ABCC4: variants seen among roughly 807,000 people sequenced by gnomAD.
ABCC4 encodes the protein ATP-binding cassette sub-family C member 4.
A neutral mutation model predicts 168.5 loss-of-function variants in ABCC4; 102 were observed. That is an observed-to-expected ratio of 0.61 (90% CI 0.52 to 0.71). The LOEUF (loss-of-function observed/expected upper bound fraction) is 0.71. ABCC4 is among the 30% of genes least tolerant of loss of function. The pLI, the probability that ABCC4 is intolerant of heterozygous loss-of-function variation, is 0.00. For missense variants in ABCC4, 1,402 were observed against 1,605.8 expected (o/e 0.87, Z 2.17); for synonymous variants, 617 against 590.7 (o/e 1.04, Z -0.65).
chr13:95,215,277 T>C (rs2039078610), intron 4 of ABCC4, among the ~76,000 whole-genome samples: 1 of 152,002 alleles, frequency 6.6e-6, no homozygotes, highest in South Asian at 2.1e-4. Context: ...TGCCACACAC[T>C]TGTAGACCCA....
At chr13:95,043,387 A>T (rs1019189414) in intron 29 of ABCC4, 1 of 304,438 alleles carries the variant, frequency 3.3e-6, no homozygotes, top group Non-Finnish European at 6.1e-6. Context: ...TCTATTGGAT[A>T]CTACTCCGTA....
intron 8 of ABCC4, among the ~76,000 whole-genome samples, chr13:95,205,459 A>T (rs1010090859): frequency 1.3e-5 from 2 of 152,236 alleles, no homozygotes; most frequent in Admixed American, 1.3e-4. Flanking sequence ...CAGATTTTTG[A>T]AAAGCTTAGA....
intron 19 of ABCC4, among the ~76,000 whole-genome samples, chr13:95,134,851 CA>C (rs2036091321): frequency 6.6e-6 from 1 of 152,024 alleles, no homozygotes; most frequent in East Asian, 1.9e-4. Flanking sequence ...AGAGGATCAC[CA>C]AGCAGCGATG....
At position 95,050,969 on chromosome 13, in the gene ABCC4, G is replaced by A. The variant is rs2032805752; in HGVS notation, c.3456+2126C>T. Among the ~76,000 whole-genome samples the A allele has an allele frequency of 2.0e-5, 3 of 152,120 alleles. No individual in the cohort carries two copies. In the South Asian group the frequency reaches 6.2e-4, roughly 32 times the overall value. On this transcript the variant is annotated intron_variant, in intron 27 of 30. Coordinates refer to ENST00000645237, the MANE Select transcript of ABCC4 (RefSeq NM_005845.5). ...TTATGAGTAATTCTTGTTCTTTTAG[G>A]GTGTGTCACAATTTCACTATTAAAC...
intron 8 of ABCC4, among the ~76,000 whole-genome samples, chr13:95,199,349 C>T (rs1393919447): frequency 1.3e-5 from 2 of 152,042 alleles, no homozygotes; most frequent in African/African-American, 2.4e-5. Flanking sequence ...AACATTGGAT[C>T]AATTCATTAC....
intron 25 of ABCC4, among the ~76,000 whole-genome samples, chr13:95,070,794 C>G (rs2033697816): frequency 2.0e-5 from 3 of 152,140 alleles, no homozygotes; most frequent in African/African-American, 7.2e-5. Flanking sequence ...ACGTAAGGAT[C>G]AGATCTGTGA....
intron 26 of ABCC4, among the ~76,000 whole-genome samples, chr13:95,061,895 T>G (rs1274288030): frequency 6.6e-6 from 1 of 152,122 alleles, no homozygotes; most frequent in Admixed American, 6.5e-5. Flanking sequence ...CTTTCTGAAT[T>G]TATGTTAAAT....
chr13:95,167,577 T>G (rs893230306), intron 14 of ABCC4, among the ~76,000 whole-genome samples: 2 of 152,180 alleles, frequency 1.3e-5, no homozygotes, highest in Admixed American at 6.5e-5. Context: ...GTTTGATAAC[T>G]GGAGAATTCA....
At chr13:95,283,983 T>C (rs73548889) in intron 1 of ABCC4, among the ~76,000 whole-genome samples, 3,102 of 151,640 alleles carry the variant, frequency 0.02, 121 homozygotes, top group African/African-American at 0.071. Flanking sequence ...GCAAATCATC[T>C]GAGGTCGGGA....
At chr13:95,169,622 C>T (rs2037398737) in intron 14 of ABCC4, among the ~76,000 whole-genome samples, 2 of 152,146 alleles carry the variant, frequency 1.3e-5, no homozygotes, top group African/African-American at 4.8e-5. Context: ...TACCTCAAGT[C>T]CCAGCGAGGC....
intron 27 of ABCC4, among the ~76,000 whole-genome samples, chr13:95,049,433 G>A (rs1189334): frequency 0.93 from 141,404 of 152,110 alleles, 65,837 homozygotes; most frequent in Non-Finnish European, 0.95. Flanking sequence ...CGAGGTCAGG[G>A]GTTTGAGACC....
At chr13:95,219,310 A>G (rs1424433733) in intron 4 of ABCC4, among the ~76,000 whole-genome samples, 29 of 152,184 alleles carry the variant, frequency 1.9e-4, no homozygotes. Context: ...AGAGATGAGC[A>G]AGACATACTG....
chr13:95,233,640 G>T (rs1276780552), intron 4 of ABCC4, among the ~76,000 whole-genome samples: 2 of 151,754 alleles, frequency 1.3e-5, no homozygotes, highest in Non-Finnish European at 2.9e-5. Flanking sequence ...CTCTACCCCT[G>T]AATCTAAAAT....
chr13:95,269,435 A>AAG, intron 1 of ABCC4: 1 of 121,516 alleles, frequency 8.2e-6, no homozygotes, highest in South Asian at 1.8e-4. Context: ...CAAAAAAAAA[A>AAG]TATATATATA....
At chr13:95,090,516 A>C (rs2034397936) in intron 20 of ABCC4, among the ~76,000 whole-genome samples, 1 of 152,172 alleles carries the variant, frequency 6.6e-6, no homozygotes, top group African/African-American at 2.4e-5. Context: ...GGCTAGACCC[A>C]GAAGAGAGAC....
At chr13:95,067,008 C>A (rs1373182215) in intron 25 of ABCC4, among the ~76,000 whole-genome samples, 1 of 152,222 alleles carries the variant, frequency 6.6e-6, no homozygotes, top group African/African-American at 2.4e-5. Flanking sequence ...ACAGGAAGAA[C>A]TGGCACCCAC....
At chr13:95,134,489 G>C (rs2139460817) in intron 19 of ABCC4, among the ~76,000 whole-genome samples, 1 of 152,236 alleles carries the variant, frequency 6.6e-6, no homozygotes, top group African/African-American at 2.4e-5. Context: ...GAGAGGCCGA[G>C]GTAGGCAGAT....
At chr13:95,120,936 G>A (rs2035549180) in intron 19 of ABCC4, among the ~76,000 whole-genome samples, 1 of 152,202 alleles carries the variant, frequency 6.6e-6, no homozygotes, top group Admixed American at 6.5e-5. Context: ...TGATCTGGGA[G>A]GGGAGGAAGC....
At chr13:95,055,511 T>A (rs1247897138) in intron 26 of ABCC4, 4 of 152,224 alleles carry the variant, frequency 2.6e-5, no homozygotes, top group Non-Finnish European at 5.9e-5. Context: ...GGTTTAAAGG[T>A]CATACTTTTT....
Sources: gnomAD v4.1 joint callset for allele counts (sites outside exome capture counted in the v4.1 genomes callset) on GRCh38, gnomAD v4.1.1 for gene constraint, MANE v1.5 for transcripts, NCBI Gene and HGNC (gene_info 2026-07-23, HGNC 2026-07-21) for gene names.